FTO: variants seen among roughly 807,000 people sequenced by gnomAD.
FTO encodes the protein FTO alpha-ketoglutarate dependent dioxygenase, also known as alpha-ketoglutarate-dependent dioxygenase FTO.
In FTO, 47 loss-of-function variants were observed where a neutral mutation model predicts 63.9. The observed-to-expected ratio is 0.74, with a 90% CI of 0.58 to 0.94. The LOEUF (loss-of-function observed/expected upper bound fraction) is 0.94. Ranked by LOEUF, FTO falls within the 40% of genes least tolerant of loss-of-function variation. The pLI is 0.00. For synonymous variants in FTO, 207 were observed against 224.4 expected (o/e 0.92, Z 0.69); for missense variants, 562 against 618.1 (o/e 0.91, Z 0.96).
chr16:54,020,592 AG>A (rs11316448), intron 8 of FTO, among the ~76,000 whole-genome samples: 46,878 of 152,062 alleles, frequency 0.31, 7,698 homozygotes, highest in South Asian at 0.44. Context: ...ATTACACAAC[AG>A]AACGCTGTTT....
At chr16:53,808,334 C>CA (rs376502692) in intron 1 of FTO, among the ~76,000 whole-genome samples, 5,675 of 135,872 alleles carry the variant, frequency 0.042, 108 homozygotes, top group South Asian at 0.1. Context: ...ACCCTGTCTC[C>CA]AAAAAAAAAA....
At chr16:53,816,699 C>T (rs2078701983) in intron 2 of FTO, among the ~76,000 whole-genome samples, 1 of 152,136 alleles carries the variant, frequency 6.6e-6, no homozygotes. Context: ...CCTTCCCTTA[C>T]CACCCTGTGG....
chr16:53,871,559 C>T (rs1307658044), intron 4 of FTO, among the ~76,000 whole-genome samples: 1 of 152,010 alleles, frequency 6.6e-6, no homozygotes, highest in Non-Finnish European at 1.5e-5. Flanking sequence ...ATGTGACTAC[C>T]TCGCATATTT....
chr16:53,762,157 C>G (rs1439738258), intron 1 of FTO, among the ~76,000 whole-genome samples: 2 of 152,110 alleles, frequency 1.3e-5, no homozygotes, highest in Admixed American at 6.5e-5. Context: ...TGTAGATAGC[C>G]TGTTTCACAG....
chr16:53,814,737 G>C (rs750062274), intron 2 of FTO: 1 of 152,442 alleles, frequency 6.6e-6, no homozygotes, highest in South Asian at 2.1e-4. Flanking sequence ...AACTGCCTAC[G>C]GAGTGGCTCT....
intron 1 of FTO, among the ~76,000 whole-genome samples, chr16:53,767,409 C>T (rs897241419): frequency 2.8e-4 from 42 of 152,080 alleles, no homozygotes; most frequent in African/African-American, 8.2e-4. Context: ...TGTTAAATGA[C>T]GAGTTAATGG....
chr16:53,837,084 A>G (rs1426077312), intron 3 of FTO, among the ~76,000 whole-genome samples: 1 of 152,206 alleles, frequency 6.6e-6, no homozygotes, highest in Non-Finnish European at 1.5e-5. Flanking sequence ...GGTTTGGAGA[A>G]TATTGTTTGA....
At chr16:53,750,369 C>G in intron 1 of FTO, among the ~76,000 whole-genome samples, 1 of 151,940 alleles carries the variant, frequency 6.6e-6, no homozygotes. Flanking sequence ...TCCTGAGTAA[C>G]TGGGATTACA....
intron 4 of FTO, among the ~76,000 whole-genome samples, chr16:53,861,077 ATCT>A (rs1389432880): frequency 6.6e-5 from 10 of 152,314 alleles, no homozygotes; most frequent in South Asian, 2.1e-4. Context: ...TCACAAAATA[ATCT>A]TCTACTTTGG....
At chr16:53,708,033 A>G (rs2075670229) in intron 1 of FTO, among the ~76,000 whole-genome samples, 1 of 152,192 alleles carries the variant, frequency 6.6e-6, no homozygotes, top group Non-Finnish European at 1.5e-5. Context: ...ATATATTGGT[A>G]CTTTGTTCCT....
At chr16:53,745,589 G>A (rs1357564238) in intron 1 of FTO, among the ~76,000 whole-genome samples, 1 of 152,186 alleles carries the variant, frequency 6.6e-6, no homozygotes, top group African/African-American at 2.4e-5. Flanking sequence ...AGATTTTTAT[G>A]TGCAATGTCC....
intron 8 of FTO, chr16:54,054,575 G>A (rs1312780856): frequency 6.6e-6 from 1 of 152,204 alleles, no homozygotes; most frequent in Admixed American, 6.5e-5. Flanking sequence ...ACCTCCCGGT[G>A]TGTTTTTGGC....
chr16:53,898,240 A>T (rs1717353747), intron 7 of FTO, among the ~76,000 whole-genome samples: 1 of 151,938 alleles, frequency 6.6e-6, no homozygotes, highest in Non-Finnish European at 1.5e-5. Context: ...CTGCCTTACT[A>T]TGTCTAGAAC....
At chr16:54,096,037 C>T (rs529781873) in intron 8 of FTO, among the ~76,000 whole-genome samples, 5 of 152,298 alleles carry the variant, frequency 3.3e-5, no homozygotes, top group Non-Finnish European at 5.9e-5. Flanking sequence ...AGCATGTAAG[C>T]GCCACAAAAC....
chr16:53,709,735 T>C (rs2075720817), intron 1 of FTO, among the ~76,000 whole-genome samples: 1 of 152,246 alleles, frequency 6.6e-6, no homozygotes, highest in Admixed American at 6.5e-5. Context: ...CATCTTGCTG[T>C]GTTCACTTTA....
intron 3 of FTO, among the ~76,000 whole-genome samples, chr16:53,829,963 G>A (rs770131387): frequency 7.2e-5 from 11 of 152,052 alleles, no homozygotes; most frequent in African/African-American, 1.4e-4. Flanking sequence ...AGAGGTTCAC[G>A]TAAAATGCAC....
chr16:54,054,290 T>C (rs1409657092), intron 8 of FTO, among the ~76,000 whole-genome samples: 1 of 152,134 alleles, frequency 6.6e-6, no homozygotes, highest in Non-Finnish European at 1.5e-5. Context: ...TGAAATTTGA[T>C]TACTAATAGA....
chr16:54,104,146 G>T (rs1156377533), intron 8 of FTO, among the ~76,000 whole-genome samples: 1 of 152,090 alleles, frequency 6.6e-6, no homozygotes, highest in Non-Finnish European at 1.5e-5. Flanking sequence ...ATACTGAATT[G>T]AACAGAGGAC....
At chr16:53,841,053 T>A (rs2151812195) in intron 3 of FTO, among the ~76,000 whole-genome samples, 1 of 55,290 alleles carries the variant, frequency 1.8e-5, no homozygotes, top group African/African-American at 8.8e-5. Context: ...ATATTATGTA[T>A]GAATAAGAAG....
Sources: gnomAD v4.1 joint callset for allele counts (sites outside exome capture counted in the v4.1 genomes callset) on GRCh38, gnomAD v4.1.1 for gene constraint, MANE v1.5 for transcripts, NCBI Gene and HGNC (gene_info 2026-07-23, HGNC 2026-07-21) for gene names.